The following DNAJC10 variants were observed in gnomAD, a reference collection of about 807,000 sequenced individuals.
DNAJC10 encodes DnaJ heat shock protein family (Hsp40) member C10, also known as endoplasmic reticulum disulfide reductase DNAJC10.
Under a neutral mutation model 115.0 loss-of-function variants are expected in DNAJC10, and 101 were observed. That is an observed-to-expected ratio of 0.88 (90% CI 0.75 to 1.04). The LOEUF is 1.04. Among genes scored for constraint, DNAJC10 ranks in the 50% least tolerant of loss-of-function variants. The probability of loss-of-function intolerance (pLI) is 0.00; values close to 1 mark genes in which losing one functional copy is unlikely to be tolerated. For synonymous variants in DNAJC10, 307 were observed against 301.5 expected, an observed-to-expected ratio of 1.02 and a Z score of -0.19; for missense variants, 981 against 928.8, an observed-to-expected ratio of 1.06 and a Z score of -0.73.
In DNAJC10 at chr2:182,789,692, C is replaced by G. The variant is rs1241905654; in HGVS notation, c.*12560C>G. Reference sequence around the variant, plus strand: ...GCTTTCAGTTCTTTCAGCTATATACCTAGAAGTGTAAGTCTATATCATAGT... The same window carrying G: ...GCTTTCAGTTCTTTCAGCTATATACGTAGAAGTGTAAGTCTATATCATAGT... On this transcript the variant is annotated 3_prime_UTR_variant, in exon 24 of 24. Coordinates refer to ENST00000264065, the MANE Select transcript of DNAJC10 (RefSeq NM_018981.4). 1 of 152,126 alleles carries G rather than the reference C, an allele frequency of 6.6e-6. No individual in the cohort carries two copies. The highest frequency in any genetic ancestry group is 1.5e-5 in the Non-Finnish European group (1 of 68,036). The allele number at this position is 152,126 out of a possible 1,614,324, so 9.4% of individuals were successfully genotyped here. A position where few individuals can be genotyped will look rare whatever the true frequency, so the allele number is the denominator to read the frequency against.
chr2:182,744,156 G>T (rs1028737154), intron 14 of DNAJC10, among the ~76,000 whole-genome samples: 14 of 152,080 alleles, frequency 9.2e-5, no homozygotes, highest in African/African-American at 3.4e-4. Context: ...CAGCTTATTT[G>T]GGACTTTAGC....
At chr2:182,717,129 G>T (rs1693014849) in intron 2 of DNAJC10, 57 bp downstream of exon 2, 1 of 152,206 alleles carries the variant, frequency 6.6e-6, no homozygotes, top group South Asian at 2.1e-4. Flanking sequence ...CAGAAATGAG[G>T]TGCGAGGAGC....
chr2:182,751,839 G>T, intron 15 of DNAJC10, 54 bp downstream of exon 15: 1 of 1,577,090 alleles, frequency 6.3e-7, no homozygotes, highest in South Asian at 1.2e-5. Flanking sequence ...CTCCTGTTAT[G>T]GCAAAAAGAC....
chr2:182,748,473 C>G (rs540022187), intron 14 of DNAJC10, among the ~76,000 whole-genome samples: 1 of 152,106 alleles, frequency 6.6e-6, no homozygotes, highest in African/African-American at 2.4e-5. Context: ...GTGTATGAGT[C>G]GAGGAACTTA....
intron 19 of DNAJC10, 89 bp downstream of exon 19, chr2:182,757,914 AC>A (rs1228095047): frequency 3.2e-5 from 25 of 773,080 alleles, no homozygotes; most frequent in Non-Finnish European, 4.4e-5. Flanking sequence ...ATAAAAGTTA[AC>A]CCAACAAATA....
rs969356917 is a variant in DNAJC10, at chr2:182,791,371, G to T, written c.*14239G>T. Reference sequence around the variant, plus strand: ...GTGGCCATTTATACACAATATTTTTGAATACTATTCTGGCCAAATTAGTAT... The same window carrying T: ...GTGGCCATTTATACACAATATTTTTTAATACTATTCTGGCCAAATTAGTAT... On this transcript the variant is annotated 3_prime_UTR_variant, in exon 24 of 24. Transcript: ENST00000264065. 6.6e-6 allele frequency: 1 copy of T among 152,026 alleles called. No homozygotes were observed. The highest frequency in any genetic ancestry group is 1.9e-4 in the East Asian group (1 of 5,180). 9.4% of individuals were successfully genotyped at this position (152,026 alleles called of 1,614,324 possible).
chr2:182,780,372 T>A lies in DNAJC10; in HGVS notation c.*3240T>A, dbSNP rs62188170. 0.46 allele frequency: 70,150 copies of A among 151,852 alleles called. 18,675 individuals are homozygous for A. The highest frequency in any genetic ancestry group is 0.64 in the Middle Eastern group (186 of 292). 9.4% of individuals were successfully genotyped at this position (151,852 alleles called of 1,614,324 possible). On this transcript the variant is annotated 3_prime_UTR_variant, in exon 24 of 24. Transcript: ENST00000264065. ...AAAGGAACTTGGCACCACCACCTCCTCTCTTTCTCGCTCCTTCTCTGTGTG... is the reference window on the plus strand; with the variant it reads ...AAAGGAACTTGGCACCACCACCTCCACTCTTTCTCGCTCCTTCTCTGTGTG...
At chr2:182,739,642 G>A in intron 11 of DNAJC10, 3 of 1,129,636 alleles carry the variant, frequency 2.7e-6, no homozygotes, top group Non-Finnish European at 3.3e-6. Context: ...TTTGTTAGAA[G>A]GGCCTTTTAT....
At chr2:182,728,005 T>G (rs1693334937) in intron 5 of DNAJC10, among the ~76,000 whole-genome samples, 1 of 152,216 alleles carries the variant, frequency 6.6e-6, no homozygotes, top group Non-Finnish European at 1.5e-5. Context: ...TCAAACAAAA[T>G]GATTTTCCAA....
chr2:182,792,394 C>G lies in DNAJC10; in HGVS notation c.*15262C>G, dbSNP rs1441598143. 2.6e-5 allele frequency: 4 copies of G among 152,130 alleles called. No homozygotes were observed. In the East Asian group the frequency reaches 7.7e-4, roughly 29 times the overall value. 9.4% of individuals were successfully genotyped at this position (152,130 alleles called of 1,614,324 possible). On this transcript the variant is annotated 3_prime_UTR_variant, in exon 24 of 24. Transcript: ENST00000264065. ...GAAGAGGATATATTCCAATTTCTTT[C>G]CTTCCCCAAGGCTTTTCATTACAGC...
chr2:182,746,650 G>T (rs1420661406), intron 14 of DNAJC10, among the ~76,000 whole-genome samples: 2 of 152,106 alleles, frequency 1.3e-5, no homozygotes, highest in East Asian at 3.8e-4. Flanking sequence ...AGATGAGTAG[G>T]TTGCGAAAAT....
In DNAJC10 at chr2:182,736,010, A is replaced by G. The variant is rs142607911; in HGVS notation, c.850-239A>G. On this transcript the variant is annotated intron_variant, in intron 10 of 23. Coordinates refer to ENST00000264065, the MANE Select transcript of DNAJC10 (RefSeq NM_018981.4). ...AAAGAATTATAAAAAGTAGATTTCT[A>G]CTATTAGGGAAAAACCATTTCTCAA... Among the ~76,000 whole-genome samples the G allele has an allele frequency of 2.0e-5, 3 of 152,240 alleles. No individual in the cohort carries two copies. The East Asian group carries it at 5.8e-4, about 29-fold the overall frequency.
In DNAJC10 at chr2:182,752,077, TCCA is replaced by T. The variant is rs1694035804; in HGVS notation, c.1444_1446del (p.Pro482del). 1.2e-6 allele frequency: 2 copies of T among 1,611,078 alleles called. No individual in the cohort carries two copies. Among genetic ancestry groups the T allele is most frequent in the Non-Finnish European group, 1.7e-6 (2 of 1,178,324 alleles). ...GAATATTTTTTCTTTCCTAGTGGTG[TCCA>T]CCATGTCGAGCTTTACTACCAGAGT... On this transcript the variant is annotated inframe_deletion, in exon 16 of 24. Coordinates refer to ENST00000264065, the MANE Select transcript of DNAJC10 (RefSeq NM_018981.4).
Position 182,729,010 on chromosome 2 carries a change from A to C in DNAJC10, c.633+16A>C, listed in dbSNP as rs1355223036. ...GTCTGGAATGGTAAGGGATAAAGTTAGCATTTTTTAAATTTGTGAAACATT... is the reference window on the plus strand; with the variant it reads ...GTCTGGAATGGTAAGGGATAAAGTTCGCATTTTTTAAATTTGTGAAACATT... On this transcript the variant is annotated intron_variant, in intron 7 of 23. Coordinates refer to ENST00000264065, the MANE Select transcript of DNAJC10 (RefSeq NM_018981.4). 6.2e-7 allele frequency: 1 copy of C among 1,611,968 alleles called. No homozygotes were observed. Among genetic ancestry groups the C allele is most frequent in the Non-Finnish European group, 8.5e-7 (1 of 1,178,994 alleles).
chr2:182,736,031 C>A (rs930106864), intron 10 of DNAJC10, among the ~76,000 whole-genome samples: 3 of 151,940 alleles, frequency 2.0e-5, no homozygotes, highest in Middle Eastern at 3.2e-3. Context: ...AAAACCATTT[C>A]TCAAGTTACT....
rs1364333563 is a variant in DNAJC10 at position 182,791,394 on chromosome 2, TA to T, written c.*14263del. 4 of 152,178 alleles carry T rather than the reference TA, an allele frequency of 2.6e-5. No homozygotes were observed. The highest frequency in any genetic ancestry group is 4.4e-5 in the Non-Finnish European group (3 of 68,012). 9.4% of individuals were successfully genotyped at this position (152,178 alleles called of 1,614,324 possible). On this transcript the variant is annotated 3_prime_UTR_variant, in exon 24 of 24. Transcript: ENST00000264065. Reference sequence around the variant, plus strand: ...TTGAATACTATTCTGGCCAAATTAGTATAAAATGGGTTACTCTAAAATGAAA... The same window carrying T: ...TTGAATACTATTCTGGCCAAATTAGTTAAAATGGGTTACTCTAAAATGAAA...
In DNAJC10 at chr2:182,775,396, C is replaced by A. The variant is rs200259717; in HGVS notation, c.2346C>A (p.Leu782=). The change falls in exon 23 of 24, where the codon CTC becomes CTA. Residue 782 remains leucine, a synonymous_variant. Coordinates refer to ENST00000264065, the MANE Select transcript of DNAJC10 (RefSeq NM_018981.4). ...TAATAAGTGAAAAATTGGAAACTCT[C>A]CGAAATCAAGGCAAGAGGAATAAGG... ...AALISEKLET[L]RNQGKRNKDE... The A allele has an allele frequency of 9.4e-5, 152 of 1,612,550 alleles. 2 individuals carry two copies. The East Asian group carries it at 3.4e-3, about 36-fold the overall frequency.
intron 14 of DNAJC10, among the ~76,000 whole-genome samples, chr2:182,745,586 A>G (rs909394027): frequency 1.3e-5 from 2 of 151,878 alleles, no homozygotes; most frequent in Non-Finnish European, 2.9e-5. Context: ...TGTACCAGGT[A>G]CAGTACTGAG....
chr2:182,776,050 G>A (rs769194708), intron 23 of DNAJC10, among the ~76,000 whole-genome samples: 1 of 151,930 alleles, frequency 6.6e-6, no homozygotes, highest in East Asian at 1.9e-4. Context: ...TGTAATGACA[G>A]TTGGACAACT....
Sources: allele counts gnomAD v4.1 joint callset (sites outside exome capture counted in the v4.1 genomes callset), GRCh38; gene constraint gnomAD v4.1.1; transcripts MANE v1.5; gene names NCBI Gene and HGNC (gene_info 2026-07-23, HGNC 2026-07-21).